The following GRIN3A variants were observed in gnomAD, a reference collection of about 807,000 sequenced individuals.
GRIN3A encodes glutamate ionotropic receptor NMDA type subunit 3A, also known as glutamate receptor ionotropic, NMDA 3A.
A neutral mutation model predicts 92.4 loss-of-function variants in GRIN3A; 47 were observed. The ratio of observed to expected loss-of-function variants is 0.51; its 90% CI spans 0.40 to 0.65. The LOEUF (loss-of-function observed/expected upper bound fraction) is 0.65. GRIN3A is among the 30% of genes least tolerant of loss of function. The pLI, the probability that GRIN3A is intolerant of heterozygous loss-of-function variation, is 0.00. For missense variants in GRIN3A, 1,324 were observed against 1,393.1 expected (o/e 0.95, Z 0.79); for synonymous variants, 527 against 540.6 (o/e 0.97, Z 0.35).
At chr9:101,647,445 C>T (rs1308363497) in intron 3 of GRIN3A, among the ~76,000 whole-genome samples, 1 of 151,302 alleles carries the variant, frequency 6.6e-6, no homozygotes, top group African/African-American at 2.4e-5. Context: ...GAAATATTGG[C>T]CTGTAATTTT....
At chr9:101,706,699 G>A (rs1482685931) in intron 1 of GRIN3A, among the ~76,000 whole-genome samples, 1 of 152,198 alleles carries the variant, frequency 6.6e-6, no homozygotes, top group Non-Finnish European at 1.5e-5. Context: ...TGCTACCAGA[G>A]GAAGTCATCA....
At chr9:101,601,060 C>T (rs985164668) in intron 6 of GRIN3A, 4 of 152,214 alleles carry the variant, frequency 2.6e-5, no homozygotes, top group African/African-American at 4.8e-5. Flanking sequence ...TGAGAAATTA[C>T]TTCTTGCTGG....
chr9:101,715,200 T>TAAAAAAAAAAAA (rs5899459), intron 1 of GRIN3A, among the ~76,000 whole-genome samples: 5 of 127,684 alleles, frequency 3.9e-5, no homozygotes, highest in Non-Finnish European at 4.8e-5. Flanking sequence ...ACAAAAATGG[T>TAAAAAAAAAAAA]AAAAAAAAAA....
At chr9:101,599,267 G>C (rs1216662306) in intron 6 of GRIN3A, among the ~76,000 whole-genome samples, 1 of 152,128 alleles carries the variant, frequency 6.6e-6, no homozygotes, top group Non-Finnish European at 1.5e-5. Context: ...AATATTGAAT[G>C]GTTACACAGA....
At chr9:101,580,513 G>C (rs1827874703) in intron 6 of GRIN3A, among the ~76,000 whole-genome samples, 1 of 152,114 alleles carries the variant, frequency 6.6e-6, no homozygotes, top group Non-Finnish European at 1.5e-5. Context: ...AGAATGAGTA[G>C]ATTTAAGGGG....
chr9:101,707,866 T>A (rs1250033290), intron 1 of GRIN3A, among the ~76,000 whole-genome samples: 1 of 152,208 alleles, frequency 6.6e-6, no homozygotes, highest in Non-Finnish European at 1.5e-5. Context: ...GCTTAATGTT[T>A]CTGCTAGGGA....
chr9:101,720,020 G>A (rs1246525957), intron 1 of GRIN3A, among the ~76,000 whole-genome samples: 1 of 152,070 alleles, frequency 6.6e-6, no homozygotes, highest in Non-Finnish European at 1.5e-5. Context: ...GAGCATCCAA[G>A]ATAAACACAC....
chr9:101,599,916 G>A (rs1275958498), intron 6 of GRIN3A, among the ~76,000 whole-genome samples: 1 of 152,220 alleles, frequency 6.6e-6, no homozygotes, highest in Non-Finnish European at 1.5e-5. Flanking sequence ...ACTGACGTTA[G>A]CCACAGTTTA....
intron 6 of GRIN3A, chr9:101,591,489 G>C (rs1175734209): frequency 1.3e-5 from 2 of 152,164 alleles, no homozygotes; most frequent in African/African-American, 4.8e-5. Flanking sequence ...GGGCGACTTT[G>C]GAGAAGATGC....
intron 5 of GRIN3A, among the ~76,000 whole-genome samples, chr9:101,620,582 C>T (rs1361913561): frequency 6.7e-6 from 1 of 149,018 alleles, no homozygotes; most frequent in African/African-American, 2.6e-5. Context: ...AGTATAAGTA[C>T]AAGCTATTAA....
chr9:101,689,741 C>T (rs918840528), intron 1 of GRIN3A, among the ~76,000 whole-genome samples: 4 of 133,610 alleles, frequency 3.0e-5, no homozygotes, highest in Non-Finnish European at 6.6e-5. Context: ...CACACACACA[C>T]ATACACACAC....
chr9:101,668,296 C>T (rs1186848992), intron 3 of GRIN3A, among the ~76,000 whole-genome samples: 2 of 151,924 alleles, frequency 1.3e-5, no homozygotes, highest in Non-Finnish European at 2.9e-5. Context: ...AAATAAAGCT[C>T]TAGTTAGTAT....
chr9:101,652,261 C>T (rs2118918374), intron 3 of GRIN3A, among the ~76,000 whole-genome samples: 1 of 152,048 alleles, frequency 6.6e-6, no homozygotes, highest in Non-Finnish European at 1.5e-5. Flanking sequence ...TGACTTGAAA[C>T]AGGATTTAGA....
In GRIN3A at chr9:101,687,297, T is replaced by C; in HGVS notation, c.700-97A>G. ...TTTCTTATGAGGCTTAATCCTTTAA[T>C]TTCACTGTGATACATAGTTCTGGGA... is the stretch of plus-strand genomic sequence containing the variant. On this transcript the variant is annotated intron_variant, in intron 1 of 8. Coordinates refer to ENST00000361820, the MANE Select transcript of GRIN3A (RefSeq NM_133445.3). 7.3e-6 allele frequency: 9 copies of C among 1,224,866 alleles called. No homozygotes were observed. In the South Asian group the frequency reaches 1.1e-4, roughly 15 times the overall value. The allele number at this position is 1,224,866 out of a possible 1,614,324, so 75.9% of individuals were successfully genotyped here. A position where few individuals can be genotyped will look rare whatever the true frequency, so the allele number is the denominator to read the frequency against.
At chr9:101,712,933 T>G (rs916837588) in intron 1 of GRIN3A, among the ~76,000 whole-genome samples, 2 of 152,200 alleles carry the variant, frequency 1.3e-5, no homozygotes, top group African/African-American at 4.8e-5. Flanking sequence ...AGATTAAGAT[T>G]AAGATTCCTA....
At chr9:101,663,626 A>G (rs1829203894) in intron 3 of GRIN3A, among the ~76,000 whole-genome samples, 1 of 151,852 alleles carries the variant, frequency 6.6e-6, no homozygotes, top group African/African-American at 2.4e-5. Flanking sequence ...GACAATCAAT[A>G]AAGGCGTTTT....
chr9:101,726,844 T>A (rs1185013269), intron 1 of GRIN3A, among the ~76,000 whole-genome samples: 1 of 152,122 alleles, frequency 6.6e-6, no homozygotes, highest in African/African-American at 2.4e-5. Context: ...ATGTGATTCA[T>A]GTGCTTGAGA....
rs752488110 is a variant in GRIN3A at position 101,711,151 on chromosome 9, G to A, written c.700-23951C>T. Reference sequence around the variant, plus strand: ...AAGTGAGGTGAATGGCATTGGCATTGTCACAGAGCATTAGGCTACTACTGA... The same window carrying A: ...AAGTGAGGTGAATGGCATTGGCATTATCACAGAGCATTAGGCTACTACTGA... On this transcript the variant is annotated intron_variant, in intron 1 of 8. Coordinates refer to ENST00000361820, the MANE Select transcript of GRIN3A (RefSeq NM_133445.3). Among the ~76,000 whole-genome samples, 91 of 152,172 alleles carry A rather than the reference G, an allele frequency of 6.0e-4. 1 individual carries two copies. Among genetic ancestry groups the A allele is most frequent in the Non-Finnish European group, 1.8e-4 (12 of 68,030 alleles).
chr9:101,704,568 GAT>G (rs1449303053), intron 1 of GRIN3A, among the ~76,000 whole-genome samples: 1 of 152,162 alleles, frequency 6.6e-6, no homozygotes, highest in African/African-American at 2.4e-5. Flanking sequence ...CCACAATAGT[GAT>G]ATGAGGTGTA....
Sources: gnomAD v4.1 joint callset for allele counts (sites outside exome capture counted in the v4.1 genomes callset) on GRCh38, gnomAD v4.1.1 for gene constraint, MANE v1.5 for transcripts, NCBI Gene and HGNC (gene_info 2026-07-23, HGNC 2026-07-21) for gene names.